Variants in MAST4 observed in about 807,000 individuals in gnomAD.
The protein encoded by MAST4 is microtubule-associated serine/threonine-protein kinase 4.
In MAST4, 89 loss-of-function variants were observed where a neutral mutation model predicts 162.7. That is an observed-to-expected ratio of 0.55 (90% confidence interval 0.46 to 0.65). MAST4 has a LOEUF of 0.65. Among genes scored for constraint, MAST4 ranks in the 30% least tolerant of loss-of-function variants. The pLI, the probability that MAST4 is intolerant of heterozygous loss-of-function variation, is 0.00. For synonymous variants in MAST4, 1,479 were observed against 1,361.1 expected (o/e 1.09, Z -1.91); for missense variants, 3,153 against 3,374.0 (o/e 0.93, Z 1.62).
chr5:66,921,134 G>T (rs1386847762), intron 4 of MAST4, among the ~76,000 whole-genome samples: 1 of 152,094 alleles, frequency 6.6e-6, no homozygotes, highest in African/African-American at 2.4e-5. Flanking sequence ...CAGGGGGGTT[G>T]CCCTAAAACT....
chr5:66,836,981 T>C (rs1452586988), intron 3 of MAST4, among the ~76,000 whole-genome samples: 1 of 149,306 alleles, frequency 6.7e-6, no homozygotes, highest in Non-Finnish European at 1.5e-5. Flanking sequence ...CACAGATACA[T>C]AGACATACAT....
chr5:66,909,986 A>T (rs747991825), intron 4 of MAST4, among the ~76,000 whole-genome samples: 4 of 152,162 alleles, frequency 2.6e-5, no homozygotes, highest in Non-Finnish European at 5.9e-5. Context: ...TGGACCTATG[A>T]GTCTATTGAA....
chr5:66,667,337 A>G (rs896773129), intron 1 of MAST4, among the ~76,000 whole-genome samples: 1 of 152,164 alleles, frequency 6.6e-6, no homozygotes, highest in Non-Finnish European at 1.5e-5. Context: ...TAATTACTCC[A>G]TTTAGAAATA....
At chr5:66,878,686 G>A (rs537373557) in intron 3 of MAST4, among the ~76,000 whole-genome samples, 10 of 152,266 alleles carry the variant, frequency 6.6e-5, no homozygotes, top group East Asian at 1.9e-4. Context: ...TCAAGTAATC[G>A]TGATGTTCTT....
intron 1 of MAST4, among the ~76,000 whole-genome samples, chr5:66,696,086 C>A (rs1272806486): frequency 6.6e-6 from 1 of 152,082 alleles, no homozygotes; most frequent in Non-Finnish European, 1.5e-5. Flanking sequence ...ATTATCCTTG[C>A]AAACTAACAC....
At chr5:66,986,391 A>C in intron 4 of MAST4, 2 of 1,216,682 alleles carry the variant, frequency 1.6e-6, no homozygotes, top group South Asian at 2.7e-5. Flanking sequence ...TTTAGAAAGA[A>C]AATCTGTAAA....
Position 66,907,523 on chromosome 5 carries a change from A to G in MAST4, c.674+7541A>G, listed in dbSNP as rs181853377. On this transcript the variant is annotated intron_variant, in intron 4 of 28. Transcript: ENST00000403625. Reference sequence around the variant, plus strand: ...GGATTAGGGTATTTCTAAAATTGGAATTTCTGATTTTGACACAAGATAGGA... The same window carrying G: ...GGATTAGGGTATTTCTAAAATTGGAGTTTCTGATTTTGACACAAGATAGGA... Among the ~76,000 whole-genome samples the G allele has an allele frequency of 2.6e-5, 4 of 151,576 alleles. No homozygotes were observed. In the East Asian group the frequency reaches 7.8e-4, roughly 30 times the overall value.
At chr5:67,003,427 A>T (rs1751514655) in intron 4 of MAST4, among the ~76,000 whole-genome samples, 1 of 152,168 alleles carries the variant, frequency 6.6e-6, no homozygotes, top group Admixed American at 6.5e-5. Flanking sequence ...AAGATCCCAC[A>T]GCAGGCTTCT....
At chr5:66,995,329 A>T (rs771868090) in intron 4 of MAST4, among the ~76,000 whole-genome samples, 26 of 152,202 alleles carry the variant, frequency 1.7e-4, no homozygotes, top group Non-Finnish European at 3.7e-4. Flanking sequence ...AGTATTCTAA[A>T]ATTCTCAGGA....
chr5:66,597,956 G>T (rs1742309790), intron 1 of MAST4, among the ~76,000 whole-genome samples: 1 of 152,156 alleles, frequency 6.6e-6, no homozygotes, highest in Non-Finnish European at 1.5e-5. Flanking sequence ...ATCTTGATCA[G>T]GCAGGGCCAC....
At chr5:67,019,212 C>T (rs779858674) in intron 4 of MAST4, among the ~76,000 whole-genome samples, 8 of 152,180 alleles carry the variant, frequency 5.3e-5, no homozygotes, top group African/African-American at 9.7e-5. Flanking sequence ...ATTGGAAAGG[C>T]GTCCAGAGGC....
At chr5:66,662,009 T>C (rs1487502460) in intron 1 of MAST4, among the ~76,000 whole-genome samples, 1 of 152,088 alleles carries the variant, frequency 6.6e-6, no homozygotes, top group East Asian at 1.9e-4. Flanking sequence ...ACTTCTTTAG[T>C]GGTGATAATC....
intron 11 of MAST4, among the ~76,000 whole-genome samples, chr5:67,110,881 A>T (rs892878699): frequency 6.6e-6 from 1 of 152,074 alleles, no homozygotes; most frequent in African/African-American, 2.4e-5. Flanking sequence ...AAAAGTAGCC[A>T]GGTGTGGTGG....
chr5:66,851,906 T>A (rs1759340387), intron 3 of MAST4, among the ~76,000 whole-genome samples: 1 of 152,170 alleles, frequency 6.6e-6, no homozygotes, highest in South Asian at 2.1e-4. Flanking sequence ...GGAGGTTCCT[T>A]TAGTTTGATC....
At chr5:66,810,017 G>A (rs1038918633) in intron 3 of MAST4, among the ~76,000 whole-genome samples, 1 of 152,162 alleles carries the variant, frequency 6.6e-6, no homozygotes, top group Admixed American at 6.5e-5. Flanking sequence ...TTTAATAGTG[G>A]CAGAGTATGT....
intron 3 of MAST4, among the ~76,000 whole-genome samples, chr5:66,890,312 C>T (rs529127248): frequency 2.0e-5 from 3 of 152,270 alleles, no homozygotes; most frequent in South Asian, 4.1e-4. Flanking sequence ...AGCATGTAAA[C>T]TTTGACTTAG....
chr5:66,962,686 GA>G (rs2073290546), intron 4 of MAST4, among the ~76,000 whole-genome samples: 2 of 151,866 alleles, frequency 1.3e-5, no homozygotes. Context: ...TGACTAGAGT[GA>G]AACCTTGTCT....
intron 3 of MAST4, among the ~76,000 whole-genome samples, chr5:66,868,912 G>A (rs993295742): frequency 4.6e-5 from 7 of 152,100 alleles, no homozygotes; most frequent in African/African-American, 9.7e-5. Flanking sequence ...GCCCCCTGCC[G>A]AGTTCATGGT....
At chr5:66,918,231 T>C (rs1279005546) in intron 4 of MAST4, among the ~76,000 whole-genome samples, 1 of 152,162 alleles carries the variant, frequency 6.6e-6, no homozygotes, top group Admixed American at 6.5e-5. Context: ...AATGTAAGTT[T>C]TTAGTTTGCA....
Sources: allele counts gnomAD v4.1 joint callset (sites outside exome capture counted in the v4.1 genomes callset), GRCh38; gene constraint gnomAD v4.1.1; transcripts MANE v1.5; gene names NCBI Gene and HGNC (gene_info 2026-07-23, HGNC 2026-07-21).